The following C4orf50 variants were observed in gnomAD, a reference collection of about 807,000 sequenced individuals.
The protein encoded by C4orf50 is chromosome 4 open reading frame 50, also known as uncharacterized protein C4orf50.
A neutral mutation model predicts 77.2 loss-of-function variants in C4orf50; 80 were observed. The observed-to-expected ratio is 1.04, with a 90% CI of 0.87 to 1.25. The LOEUF is 1.25. Among genes scored for constraint, C4orf50 ranks in the 50% most tolerant of loss-of-function variants. The pLI, the probability that C4orf50 is intolerant of heterozygous loss-of-function variation, is 0.00. For missense variants in C4orf50, 1,257 were observed against 1,152.9 expected, an observed-to-expected ratio of 1.09 and a Z score of -1.31; for synonymous variants, 532 against 465.3, an observed-to-expected ratio of 1.14 and a Z score of -1.84.
intron 7 of C4orf50, among the ~76,000 whole-genome samples, chr4:5,944,967 G>A (rs1718418855): frequency 6.6e-6 from 1 of 152,098 alleles, no homozygotes; most frequent in Non-Finnish European, 1.5e-5. Context: ...TGAGGCACAG[G>A]GCCACCAAGA....
In C4orf50 at chr4:6,015,145, T is replaced by C. The variant is rs546039795; in HGVS notation, c.287+3000A>G. ...CTCTCAGCACCCAGGACTTCTGTTA[T>C]GGGCTCAACACATCCCTGCATCCTG... On this transcript the variant is annotated intron_variant, in intron 23 of 33. Coordinates refer to ENST00000531445, the Ensembl canonical transcript of C4orf50. This position sits in a 1 kb window ranked among gnomAD's most constrained non-coding sequence, Gnocchi z 4.4. 1.1e-3 allele frequency among the ~76,000 whole-genome samples: 175 copies of C among 152,300 alleles called. 1 individual carries two copies. The highest frequency in any genetic ancestry group is 1.7e-3 in the Non-Finnish European group (119 of 68,022).
chr4:5,947,035 G>T (rs1718510211), intron 7 of C4orf50, among the ~76,000 whole-genome samples: 1 of 152,222 alleles, frequency 6.6e-6, no homozygotes, highest in African/African-American at 2.4e-5. Context: ...AAGGTCACAG[G>T]CTTGGCCTGC....
At position 5,992,296 on chromosome 4, in the gene C4orf50, C is replaced by A. The variant is rs1721333951; in HGVS notation, c.1221+507G>T. ...TCGCGGGTCCCAGCACAGCTCTGTT[C>A]CTCAGGGATGAGAAAATGGAAGTGG... On this transcript the variant is annotated intron_variant, in intron 27 of 33. Transcript: ENST00000531445. This position sits in a 1 kb window ranked among gnomAD's most constrained non-coding sequence, Gnocchi z 5.0. 6.6e-6 allele frequency among the ~76,000 whole-genome samples: 1 copy of A among 152,316 alleles called. No homozygotes were observed. The highest frequency in any genetic ancestry group is 2.1e-4 in the South Asian group (1 of 4,826).
rs11464608 is a variant in C4orf50, at chr4:6,015,518, GA to G, written c.287+2626del. On this transcript the variant is annotated intron_variant, in intron 23 of 33. Coordinates refer to ENST00000531445, the Ensembl canonical transcript of C4orf50. This position sits in a 1 kb window ranked among gnomAD's most constrained non-coding sequence, Gnocchi z 4.4. Reference sequence around the variant, plus strand: ...TGCCATTTCATTATAATGTTGATGAGAAAAAAAAAGATTCCCAGCCAGGGCC... The same window carrying G: ...TGCCATTTCATTATAATGTTGATGAGAAAAAAAAGATTCCCAGCCAGGGCC... 6.6e-6 allele frequency among the ~76,000 whole-genome samples: 1 copy of G among 150,692 alleles called. No individual in the cohort carries two copies. Among genetic ancestry groups the G allele is most frequent in the Non-Finnish European group, 1.5e-5 (1 of 67,690 alleles).
chr4:5,935,342 G>A (rs1717960189), intron 7 of C4orf50, among the ~76,000 whole-genome samples: 1 of 152,232 alleles, frequency 6.6e-6, no homozygotes, highest in Non-Finnish European at 1.5e-5. Context: ...TAGAGAGGAA[G>A]TTTGTCCTGG....
In C4orf50 at chr4:5,916,314, T is replaced by G. The variant is rs887285630; in HGVS notation, c.*2475-18126A>C. 6.6e-6 allele frequency among the ~76,000 whole-genome samples: 1 copy of G among 152,148 alleles called. No homozygotes were observed. The highest frequency in any genetic ancestry group is 2.4e-5 in the African/African-American group (1 of 41,436). On this transcript the variant is annotated intron_variant, in intron 7 of 7. Coordinates refer to the C4orf50 transcript ENST00000324058. The surrounding 1 kb of genome is among the most constrained non-coding windows in gnomAD (Gnocchi z 4.4). Reference sequence around the variant, plus strand: ...CCCATTGCCTTGCCTGGATTTTTTGTCTGGGTGTTGACCAATCAACTAGGA... The same window carrying G: ...CCCATTGCCTTGCCTGGATTTTTTGGCTGGGTGTTGACCAATCAACTAGGA...
intron 30 of C4orf50, among the ~76,000 whole-genome samples, chr4:5,975,139 CAAAAAAAAAAAAAAAAAAAAAAAAAAA>C (rs763836859): frequency 1.2e-5 from 1 of 82,872 alleles, no homozygotes; most frequent in East Asian, 1.1e-3. Context: ...CACTCCATCT[CAAAAAAAAAAAAAAAAAAAAAAAAAAA>C]AAAAAAAAAA....
chr4:5,905,406 A>G lies in C4orf50; in HGVS notation c.*2475-7218T>C, dbSNP rs78407647. 2.1e-4 allele frequency: 32 copies of G among 152,314 alleles called. 1 individual carries two copies. In the East Asian group the frequency reaches 5.4e-3, roughly 26 times the overall value. 9.4% of individuals were successfully genotyped at this position (152,314 alleles called of 1,614,324 possible). Reference sequence around the variant, plus strand: ...TGTCGGTCAGTTGAGAAGGATGTAAATATTTTCCAGCTTGCTATGTTTGCC... The same window carrying G: ...TGTCGGTCAGTTGAGAAGGATGTAAGTATTTTCCAGCTTGCTATGTTTGCC... On this transcript the variant is annotated intron_variant, in intron 7 of 7. Transcript: ENST00000324058. The surrounding 1 kb of genome is among the most constrained non-coding windows in gnomAD (Gnocchi z 5.4).
In C4orf50 at chr4:5,989,345, A is replaced by G. The variant is rs1160178061; in HGVS notation, c.2701T>C (p.Trp901Arg). ...GGAGGGTTTGGGCTGGCTTCATCCCAATGAGGCAGTGTCCCTGGGTTACCA... is the reference window on the plus strand; with the variant it reads ...GGAGGGTTTGGGCTGGCTTCATCCCGATGAGGCAGTGTCCCTGGGTTACCA... Residue 901 changes from tryptophan (W) to arginine (R), a missense_variant, in exon 28 of 34, where the codon TGG becomes CGG. By Grantham distance (101) the Trp-to-Arg change is moderately radical (BLOSUM62 -3). Coordinates refer to ENST00000531445, the Ensembl canonical transcript of C4orf50. 2.0e-6 allele frequency: 3 copies of G among 1,535,932 alleles called. No individual in the cohort carries two copies. The South Asian group carries it at 3.6e-5, about 18-fold the overall frequency.
At chr4:6,001,995 G>A (rs1217395618) in intron 25 of C4orf50, among the ~76,000 whole-genome samples, 2 of 152,210 alleles carry the variant, frequency 1.3e-5, no homozygotes. Flanking sequence ...GAGACCATAA[G>A]CCGTCATCTG....
intron 33 of C4orf50, among the ~76,000 whole-genome samples, chr4:5,963,717 T>G (rs369478604): frequency 1.3e-5 from 2 of 152,330 alleles, no homozygotes; most frequent in East Asian, 1.9e-4. Flanking sequence ...CTGCTTTCTC[T>G]TTTTTACTGT....
At chr4:5,991,353 T>C (rs913709977) in intron 27 of C4orf50, among the ~76,000 whole-genome samples, 1 of 152,336 alleles carries the variant, frequency 6.6e-6, no homozygotes, top group Admixed American at 6.5e-5. Flanking sequence ...GCAGTGCAGA[T>C]GCAGACTGTG....
chr4:5,987,511 G>C (rs1285979689), intron 28 of C4orf50, among the ~76,000 whole-genome samples: 1 of 148,228 alleles, frequency 6.7e-6, no homozygotes, highest in African/African-American at 2.5e-5. Flanking sequence ...AGTAAAAACA[G>C]ATTCTTTGAA....
At chr4:5,936,208 GA>G (rs11333410) in intron 7 of C4orf50, among the ~76,000 whole-genome samples, 33,376 of 147,000 alleles carry the variant, frequency 0.23, 4,025 homozygotes, top group Non-Finnish European at 0.27. Flanking sequence ...CATGCTGCAG[GA>G]AAAAAAAAAA....
intron 7 of C4orf50, among the ~76,000 whole-genome samples, chr4:5,936,892 A>C (rs1718051093): frequency 6.6e-6 from 1 of 152,168 alleles, no homozygotes; most frequent in Non-Finnish European, 1.5e-5. Context: ...TGATTACCTA[A>C]AAGTACATGG....
chr4:5,967,399 A>G lies in C4orf50; in HGVS notation c.4153+15T>C. ...CTGAGCACACAGGCTTTTCCTGATC[A>G]AAAATCACACTGACCTCTTAAAGCT... On this transcript the variant is annotated intron_variant, in intron 32 of 33. Coordinates refer to ENST00000531445, the Ensembl canonical transcript of C4orf50. The G allele has an allele frequency of 6.2e-7, 1 of 1,611,286 alleles. No individual in the cohort carries two copies. The highest frequency in any genetic ancestry group is 8.5e-7 in the Non-Finnish European group (1 of 1,177,472).
chr4:5,954,342 G>A (rs1718856475), downstream of C4orf50, among the ~76,000 whole-genome samples: 1 of 152,134 alleles, frequency 6.6e-6, no homozygotes, highest in African/African-American at 2.4e-5. This position sits in a 1 kb window ranked among gnomAD's most constrained non-coding sequence, Gnocchi z 4.7. Context: ...GCAGCTGGGA[G>A]CCCAGCTCCC....
intron 7 of C4orf50, among the ~76,000 whole-genome samples, chr4:5,940,121 C>T (rs1352331220): frequency 1.3e-5 from 2 of 152,202 alleles, no homozygotes; most frequent in Non-Finnish European, 2.9e-5. Flanking sequence ...GGCCACCCAA[C>T]TCAGCATAAA....
intron 7 of C4orf50, among the ~76,000 whole-genome samples, chr4:5,924,596 G>T (rs1285730808): frequency 6.6e-6 from 1 of 152,162 alleles, no homozygotes; most frequent in African/African-American, 2.4e-5. Flanking sequence ...AGGGCCCTCA[G>T]TGCTGAGAAC....
Sources: allele counts gnomAD v4.1 joint callset (sites outside exome capture counted in the v4.1 genomes callset), GRCh38; gene constraint gnomAD v4.1.1; non-coding constraint Gnocchi (gnomAD v3.1); transcripts MANE v1.5; gene names NCBI Gene and HGNC (gene_info 2026-07-23, HGNC 2026-07-21).